MMAA: variants seen among roughly 807,000 people sequenced by gnomAD.
The protein encoded by MMAA is methylmalonic aciduria type A protein, mitochondrial.
Under a neutral mutation model 45.0 loss-of-function variants are expected in MMAA, and 41 were observed. That is an observed-to-expected ratio of 0.91 (90% CI 0.71 to 1.18). The LOEUF (loss-of-function observed/expected upper bound fraction) is 1.18, where lower values mean the gene tolerates loss of function less well. MMAA is among the 50% of genes most tolerant of loss of function. MMAA has a pLI of 0.00. For synonymous variants in MMAA, 154 were observed against 178.2 expected, an observed-to-expected ratio of 0.86 and a Z score of 1.08; for missense variants, 460 against 495.7, an observed-to-expected ratio of 0.93 and a Z score of 0.68.
intron 4 of MMAA, chr4:145,650,584 T>C (rs1479530258): frequency 6.0e-6 from 1 of 165,958 alleles, no homozygotes; most frequent in Admixed American, 5.6e-5. Context: ...CTGCCTGTCG[T>C]GGCTCTTGTC....
chr4:145,633,332 G>A (rs1259083863), intron 1 of MMAA, among the ~76,000 whole-genome samples: 2 of 149,804 alleles, frequency 1.3e-5, no homozygotes, highest in Non-Finnish European at 3.0e-5. Flanking sequence ...CCAAGTAGCT[G>A]GGATTACAGT....
chr4:145,628,222 GA>G (rs1734244041), intron 1 of MMAA, among the ~76,000 whole-genome samples: 1 of 152,130 alleles, frequency 6.6e-6, no homozygotes, highest in Non-Finnish European at 1.5e-5. Context: ...TTTTAAAAAA[GA>G]TTTTTTTGGT....
At chr4:145,619,596 C>G (rs1304869012) in intron 1 of MMAA, among the ~76,000 whole-genome samples, 189 bp downstream of exon 1, 1 of 152,150 alleles carries the variant, frequency 6.6e-6, no homozygotes, top group Admixed American at 6.5e-5. Context: ...TATGTGTGGA[C>G]AGGCAGGAGT....
rs1375907803 is a variant in MMAA, at chr4:145,654,084, G to A, written c.910G>A (p.Ala304Thr). ...DLIVPARRIQAEYVSALKLLR... is the reference protein window; with the variant it reads ...DLIVPARRIQTEYVSALKLLR... ...GATTGTGCCAGCTCGAAGGATACAA[G>A]CGGAATATGTGAGTGCACTGAAATT... The change falls in exon 6 of 7, where the codon GCG (alanine) becomes ACG (threonine). Residue 304 changes from alanine to threonine, a missense_variant. Physicochemically the swap from Ala to Thr is moderately conservative, Grantham distance 58. Coordinates refer to ENST00000649156, the MANE Select transcript of MMAA (RefSeq NM_172250.3). 2.5e-6 allele frequency: 4 copies of A among 1,614,158 alleles called. No homozygotes were observed. The highest frequency in any genetic ancestry group is 3.4e-6 in the Non-Finnish European group (4 of 1,180,022).
intron 1 of MMAA, chr4:145,625,983 A>C (rs1464104371): frequency 3.8e-5 from 57 of 1,492,608 alleles, no homozygotes; most frequent in East Asian, 6.8e-5. Flanking sequence ...ACTACCCCTC[A>C]AAAGGGGTTC....
intron 1 of MMAA, among the ~76,000 whole-genome samples, chr4:145,623,215 A>G (rs1204179885): frequency 1.3e-5 from 2 of 152,196 alleles, no homozygotes; most frequent in African/African-American, 4.8e-5. Context: ...CAGTGAGAGG[A>G]TGACTTTATC....
intron 1 of MMAA, among the ~76,000 whole-genome samples, chr4:145,627,464 T>TAAAA (rs1053045840): frequency 6.7e-6 from 1 of 149,444 alleles, no homozygotes; most frequent in African/African-American, 2.4e-5. Flanking sequence ...TTCATGAACC[T>TAAAA]AAAAAAAAAA....
intron 4 of MMAA, among the ~76,000 whole-genome samples, chr4:145,648,165 A>T (rs1375141273): frequency 9.6e-5 from 10 of 104,158 alleles, no homozygotes; most frequent in Admixed American, 1.0e-4. Flanking sequence ...TTTTTTTTTT[A>T]AAGACAGAGT....
In MMAA at chr4:145,639,518, T is replaced by C; in HGVS notation, c.379T>C (p.Leu127=). The change falls in exon 2 of 7, where the codon TTA becomes CTA. Residue 127 remains leucine, a synonymous_variant. Transcript: ENST00000649156. ...ELAQVLLQKV[L]LYHREQEQSN... is the part of the protein sequence containing the mutation. The stretch of plus-strand genomic sequence containing the variant: ...AGCCCAGGTGCTTCTTCAGAAAGTA[T>C]TACTTTACCACAGAGAACAAGAACA... 2 of 1,613,780 alleles carry C rather than the reference T, an allele frequency of 1.2e-6. No individual in the cohort carries two copies. The highest frequency in any genetic ancestry group is 1.7e-6 in the Non-Finnish European group (2 of 1,179,832).
At chr4:145,651,949 C>T (rs1159272706) in intron 5 of MMAA, among the ~76,000 whole-genome samples, 8 of 152,200 alleles carry the variant, frequency 5.3e-5, no homozygotes, top group African/African-American at 7.2e-5. Context: ...GCTGATCTAA[C>T]GGGACAGAGC....
rs769082931 is a variant in MMAA, at chr4:145,654,101, A to G, written c.927A>G (p.Ala309=). 17 of 1,614,070 alleles carry G rather than the reference A, an allele frequency of 1.1e-5. No homozygotes were observed. The highest frequency in any genetic ancestry group is 1.7e-5 in the Admixed American group (1 of 60,006). The change falls in exon 6 of 7, where the codon GCA becomes GCG. Residue 309 remains alanine, a synonymous_variant. Coordinates refer to ENST00000649156, the MANE Select transcript of MMAA (RefSeq NM_172250.3). ...ARRIQAEYVS[A]LKLLRKRSQV... is the part of the protein sequence containing the mutation. ...GGATACAAGCGGAATATGTGAGTGC[A>G]CTGAAATTACTCCGCAAACGTTCAC... is the stretch of plus-strand genomic sequence containing the variant.
chr4:145,625,877 G>C (rs760343156), intron 1 of MMAA: 43 of 1,447,100 alleles, frequency 3.0e-5, no homozygotes, highest in Non-Finnish European at 3.9e-5. Context: ...TTATGCAACT[G>C]TGAATCTGAG....
At chr4:145,652,115 G>A (rs1728109466) in intron 5 of MMAA, among the ~76,000 whole-genome samples, 1 of 152,030 alleles carries the variant, frequency 6.6e-6, no homozygotes. Flanking sequence ...GACAAATCAG[G>A]ACCATCCAAA....
chr4:145,634,660 G>T (rs1727558510), intron 1 of MMAA, among the ~76,000 whole-genome samples: 1 of 151,844 alleles, frequency 6.6e-6, no homozygotes, highest in African/African-American at 2.4e-5. Context: ...GTGCAGCTGG[G>T]AATGCGCTGA....
At chr4:145,648,358 G>A (rs1378951945) in intron 4 of MMAA, among the ~76,000 whole-genome samples, 1 of 152,024 alleles carries the variant, frequency 6.6e-6, no homozygotes, top group East Asian at 1.9e-4. Context: ...ATATTGGCCA[G>A]GCTGGTCTCC....
Position 145,645,702 on chromosome 4 carries a change from G to A in MMAA, c.563-284G>A, listed in dbSNP as rs147082953. On this transcript the variant is annotated intron_variant, in intron 3 of 6. Transcript: ENST00000649156. ...ACCCTGGTTGGAACAGAGGATTGGTGTGGGGACTAGTAGAAGCCAGAGTTG... is the reference window on the plus strand; with the variant it reads ...ACCCTGGTTGGAACAGAGGATTGGTATGGGGACTAGTAGAAGCCAGAGTTG... 2.7e-3 allele frequency among the ~76,000 whole-genome samples: 417 copies of A among 152,342 alleles called. 2 individuals carry two copies. Among genetic ancestry groups the A allele is most frequent in the African/African-American group, 9.5e-3 (395 of 41,576 alleles).
At chr4:145,639,968 A>G (rs938533318) in intron 2 of MMAA, 1 of 445,622 alleles carries the variant, frequency 2.2e-6, no homozygotes, top group Non-Finnish European at 3.0e-6. Context: ...ACGTTTGAAA[A>G]TTCTGCCTCT....
chr4:145,649,531 A>G (rs1442815092), intron 4 of MMAA, among the ~76,000 whole-genome samples: 2 of 152,224 alleles, frequency 1.3e-5, no homozygotes, highest in African/African-American at 2.4e-5. Context: ...GAGGGGTGGC[A>G]TAAGAGGTAT....
At chr4:145,624,692 G>T in intron 1 of MMAA, 1 of 1,530,062 alleles carries the variant, frequency 6.5e-7, no homozygotes, top group Non-Finnish European at 9.0e-7. Flanking sequence ...TGGGTTCCAT[G>T]GGCATCCCAT....
Sources: gnomAD v4.1 joint callset for allele counts (sites outside exome capture counted in the v4.1 genomes callset) on GRCh38, gnomAD v4.1.1 for gene constraint, MANE v1.5 for transcripts, NCBI Gene and HGNC (gene_info 2026-07-23, HGNC 2026-07-21) for gene names.